DOCK8: variants seen among roughly 807,000 people sequenced by gnomAD.
DOCK8 encodes the protein dedicator of cytokinesis 8, also known as dedicator of cytokinesis protein 8.
A neutral mutation model predicts 245.6 loss-of-function variants in DOCK8; 141 were observed. The observed-to-expected ratio is 0.57, with a 90% CI of 0.50 to 0.66. The LOEUF (loss-of-function observed/expected upper bound fraction) is 0.66. Ranked by LOEUF, DOCK8 falls within the 30% of genes least tolerant of loss-of-function variation. The pLI is 0.00. For missense variants in DOCK8, 2,965 were observed against 2,603.4 expected, an observed-to-expected ratio of 1.14 and a Z score of -3.02; for synonymous variants, 1,168 against 970.2, an observed-to-expected ratio of 1.20 and a Z score of -3.79.
chr9:464,334 G>C lies in DOCK8; in HGVS notation c.*115G>C. Reference sequence around the variant, plus strand: ...GGACTGACTGTACACTCCCTGATCAGCCAGCACTCTGGAAGCTTTGGGATC... The same window carrying C: ...GGACTGACTGTACACTCCCTGATCACCCAGCACTCTGGAAGCTTTGGGATC... On this transcript the variant is annotated 3_prime_UTR_variant, in exon 48 of 48. Coordinates refer to ENST00000432829, the MANE Select transcript of DOCK8 (RefSeq NM_203447.4). The C allele has an allele frequency of 2.2e-6, 2 of 897,920 alleles. No individual in the cohort carries two copies. The highest frequency in any genetic ancestry group is 2.6e-5 in the South Asian group (2 of 75,536). 55.6% of individuals were successfully genotyped at this position (897,920 alleles called of 1,614,324 possible).
intron 1 of DOCK8, among the ~76,000 whole-genome samples, chr9:239,565 A>G (rs933502181): frequency 6.6e-6 from 1 of 152,234 alleles, no homozygotes; most frequent in African/African-American, 2.4e-5. Context: ...GTAGTCAGGG[A>G]TTAGAGACCT....
chr9:360,218 A>C (rs1286462930), intron 14 of DOCK8, among the ~76,000 whole-genome samples: 4 of 151,920 alleles, frequency 2.6e-5, no homozygotes, highest in Non-Finnish European at 5.9e-5. Context: ...CAGGAGGCCG[A>C]GGCAGGAGAA....
intron 1 of DOCK8, among the ~76,000 whole-genome samples, chr9:269,121 A>C (rs2048099068): frequency 6.6e-6 from 1 of 152,192 alleles, no homozygotes; most frequent in South Asian, 2.1e-4. Flanking sequence ...AGTGATTTTT[A>C]ATGTATTCAC....
At chr9:211,980 G>C (rs1356583450), upstream of DOCK8, among the ~76,000 whole-genome samples, 1 of 152,156 alleles carries the variant, frequency 6.6e-6, no homozygotes, top group Non-Finnish European at 1.5e-5. Context: ...ACTGGAGTTT[G>C]AAGATGTTAG....
intron 29 of DOCK8, among the ~76,000 whole-genome samples, chr9:415,497 A>C (rs547912800): frequency 6.6e-6 from 1 of 152,308 alleles, no homozygotes; most frequent in South Asian, 2.1e-4. Context: ...ATTAGCAACA[A>C]GATGAAAGGA....
chr9:339,602 C>A (rs945349257), intron 13 of DOCK8, among the ~76,000 whole-genome samples: 9 of 152,182 alleles, frequency 5.9e-5, no homozygotes, highest in Non-Finnish European at 1.3e-4. Context: ...GCAACCTCTG[C>A]CTTCCAGGTT....
At chr9:270,673 C>T (rs1458718590) in intron 1 of DOCK8, among the ~76,000 whole-genome samples, 2 of 152,166 alleles carry the variant, frequency 1.3e-5, no homozygotes, top group Non-Finnish European at 2.9e-5. Context: ...TCTAAAGTTA[C>T]AATGTTTAAA....
chr9:302,983 G>GA (rs548195780), intron 4 of DOCK8, among the ~76,000 whole-genome samples: 1,907 of 141,590 alleles, frequency 0.013, 19 homozygotes, highest in African/African-American at 0.027. Flanking sequence ...AAAATAAATG[G>GA]AAAAAAAAAA....
At chr9:438,156 T>C (rs972517733) in intron 39 of DOCK8, among the ~76,000 whole-genome samples, 3 of 152,226 alleles carry the variant, frequency 2.0e-5, no homozygotes, top group African/African-American at 7.2e-5. Flanking sequence ...ATGACAACTA[T>C]GTCCTGACTG....
At chr9:238,190 C>T (rs568673922) in intron 1 of DOCK8, among the ~76,000 whole-genome samples, 76 of 152,270 alleles carry the variant, frequency 5.0e-4, no homozygotes, top group African/African-American at 1.7e-3. Context: ...TAACAGAAAG[C>T]AGGGCAGACC....
At chr9:324,790 A>G (rs530186008) in intron 7 of DOCK8, among the ~76,000 whole-genome samples, 21 of 152,304 alleles carry the variant, frequency 1.4e-4, no homozygotes, top group African/African-American at 4.6e-4. Context: ...GAAAAGCCCC[A>G]TTCCTTAGAA....
intron 2 of DOCK8, chr9:272,900 C>G (rs1391371382): frequency 1.1e-5 from 3 of 280,066 alleles, no homozygotes; most frequent in African/African-American, 6.9e-5. Context: ...CCCTCCTGTA[C>G]TCACTTCCTC....
chr9:441,295 T>C lies in DOCK8; in HGVS notation c.5233T>C (p.Tyr1745His). ...TTCTCCTCTTTCCAAGGGAGGCTTATATGAGACAGTTAATGAGGTCTACAA... is the reference window on the plus strand; with the variant it reads ...TTCTCCTCTTTCCAAGGGAGGCTTACATGAGACAGTTAATGAGGTCTACAA... ...AAELFSTGGL[Y>H]ETVNEVYKLV... The change falls in exon 41 of 48, where the codon TAT (tyrosine) becomes CAT (histidine). Residue 1745 changes from tyrosine (Y) to histidine (H), a missense_variant. This residue lies in a region of DOCK8 where 2,825 missense variants were observed against 2,453.5 expected (regional missense o/e 1.15). Coordinates refer to ENST00000432829, the MANE Select transcript of DOCK8 (RefSeq NM_203447.4). 1.2e-6 allele frequency: 2 copies of C among 1,614,242 alleles called. No individual in the cohort carries two copies. Among genetic ancestry groups the C allele is most frequent in the Non-Finnish European group, 1.7e-6 (2 of 1,180,046 alleles).
rs180675503 is a variant in DOCK8, at chr9:311,260, A to G, written c.529-694A>G. 5.4e-4 allele frequency among the ~76,000 whole-genome samples: 81 copies of G among 150,152 alleles called. No homozygotes were observed. The East Asian group carries it at 0.012, about 21-fold the overall frequency. On this transcript the variant is annotated intron_variant, in intron 5 of 47. Transcript: ENST00000432829. ...AGATGGCGCCATTGCACTCAAGCCTAGGTGTCGCAGCAAGACTCGGTCTTT... is the reference window on the plus strand; with the variant it reads ...AGATGGCGCCATTGCACTCAAGCCTGGGTGTCGCAGCAAGACTCGGTCTTT...
rs2056798031 is a variant in DOCK8, at chr9:433,723, CAG to C, written c.4786-149_4786-148del. On this transcript the variant is annotated intron_variant, in intron 37 of 47. Coordinates refer to ENST00000432829, the MANE Select transcript of DOCK8 (RefSeq NM_203447.4). ...CCTGGGCTGGCGAAGATGAAAACTA[CAG>C]AGTCAGGTCTAGATGACTCCGCCAT... 4.3e-6 allele frequency: 3 copies of C among 691,352 alleles called. No homozygotes were observed. In the Admixed American group the frequency reaches 6.3e-5, roughly 14 times the overall value. The allele number at this position is 691,352 out of a possible 1,614,324, so 42.8% of individuals were successfully genotyped here. A position where few individuals can be genotyped will look rare whatever the true frequency, so the allele number is the denominator to read the frequency against.
rs868737529 is a variant in DOCK8 at position 400,959 on chromosome 9, C to T, written c.3234+1700C>T. Among the ~76,000 whole-genome samples the T allele has an allele frequency of 6.6e-3, 317 of 47,828 alleles. 89 individuals carry two copies. The African/African-American group carries it at 0.087, about 13-fold the overall frequency. The allele number at this position is 47,828 out of a possible 152,430, so 31.4% of individuals were successfully genotyped here. On this transcript the variant is annotated intron_variant, in intron 26 of 47. Transcript: ENST00000432829. Reference sequence around the variant, plus strand: ...TCCACCACCACCATCACCACCACCACCACCACCTCCTCCACCATCACCACC... The same window carrying T: ...TCCACCACCACCATCACCACCACCATCACCACCTCCTCCACCATCACCACC...
chr9:431,659 C>T (rs1209116423), intron 36 of DOCK8, among the ~76,000 whole-genome samples: 1 of 152,136 alleles, frequency 6.6e-6, no homozygotes, highest in African/African-American at 2.4e-5. Context: ...CAGGTGTCCA[C>T]CACCATGCCC....
At chr9:439,485 A>C in intron 40 of DOCK8, 97 bp downstream of exon 40, 2 of 1,530,042 alleles carry the variant, frequency 1.3e-6, no homozygotes, top group East Asian at 4.6e-5. Flanking sequence ...AGTCAGCCCC[A>C]CTTCCCGAGG....
intron 1 of DOCK8, among the ~76,000 whole-genome samples, chr9:261,600 C>T (rs1301659296): frequency 6.6e-6 from 1 of 152,038 alleles, no homozygotes; most frequent in African/African-American, 2.4e-5. Context: ...ATAGTGTTTT[C>T]TGTATATGTC....
Sources: allele counts gnomAD v4.1 joint callset (sites outside exome capture counted in the v4.1 genomes callset), GRCh38; gene constraint gnomAD v4.1.1; regional missense constraint gnomAD v4.1.1; transcripts MANE v1.5; gene names NCBI Gene and HGNC (gene_info 2026-07-23, HGNC 2026-07-21).